TXNRD1: variants seen among roughly 807,000 people sequenced by gnomAD.
TXNRD1 encodes thioredoxin reductase 1.
TXNRD1 carries 57 observed loss-of-function variants against 80.3 expected under a neutral mutation model. That is an observed-to-expected ratio of 0.71 (90% CI 0.57 to 0.89). The LOEUF (loss-of-function observed/expected upper bound fraction) is 0.89, where lower values mean the gene tolerates loss of function less well. Among genes scored for constraint, TXNRD1 ranks in the 40% least tolerant of loss-of-function variants. The pLI is 0.00. For synonymous variants in TXNRD1, 291 were observed against 285.2 expected (o/e 1.02, Z -0.20); for missense variants, 730 against 803.0 (o/e 0.91, Z 1.10).
intron 4 of TXNRD1, among the ~76,000 whole-genome samples, chr12:104,291,938 G>T (rs1372838935): frequency 6.6e-6 from 1 of 152,216 alleles, no homozygotes; most frequent in Non-Finnish European, 1.5e-5. Context: ...TTGGGTTTCA[G>T]TGGAGAAAGG....
At chr12:104,248,292 T>C (rs2033036239) in intron 1 of TXNRD1, among the ~76,000 whole-genome samples, 1 of 152,236 alleles carries the variant, frequency 6.6e-6, no homozygotes, top group Non-Finnish European at 1.5e-5. Flanking sequence ...TATTTACTTA[T>C]TTATTTATTG....
In TXNRD1 at chr12:104,331,659, T is replaced by C. The variant is rs760327306; in HGVS notation, c.1650+18T>C. ...ATATTGAGGTAAGTTCTTTTCCTCTTTTCTCCTATGTTATATCACTACTTT... is the reference window on the plus strand; with the variant it reads ...ATATTGAGGTAAGTTCTTTTCCTCTCTTCTCCTATGTTATATCACTACTTT... On this transcript the variant is annotated intron_variant, in intron 14 of 16. Transcript: ENST00000525566. 2.6e-6 allele frequency: 4 copies of C among 1,521,110 alleles called. No homozygotes were observed. Among genetic ancestry groups the C allele is most frequent in the Non-Finnish European group, 3.6e-6 (4 of 1,100,524 alleles). The allele number at this position is 1,521,110 out of a possible 1,614,324, so 94.2% of individuals were successfully genotyped here.
chr12:104,273,721 G>A (rs1046114968), intron 3 of TXNRD1, among the ~76,000 whole-genome samples: 46 of 152,326 alleles, frequency 3.0e-4, no homozygotes, highest in Admixed American at 2.0e-3. Context: ...GCAGGCCAGC[G>A]CCATCCTGCA....
rs1367447775 is a variant in TXNRD1 at position 104,349,178 on chromosome 12, T to C, written c.*757T>C. On this transcript the variant is annotated 3_prime_UTR_variant, in exon 17 of 17. Coordinates refer to ENST00000525566, the MANE Select transcript of TXNRD1 (RefSeq NM_001093771.3). ...GGTAGTATAGTATGATTCTCACCAT[T>C]ATTTGTCATGGAGGCAGACATACAC... The C allele has an allele frequency of 6.6e-6, 1 of 152,230 alleles. No individual in the cohort carries two copies. The highest frequency in any genetic ancestry group is 1.5e-5 in the Non-Finnish European group (1 of 68,046). The allele number at this position is 152,230 out of a possible 1,614,324, so 9.4% of individuals were successfully genotyped here. A position where few individuals can be genotyped will look rare whatever the true frequency, so the allele number is the denominator to read the frequency against.
In TXNRD1 at chr12:104,325,334, C is replaced by T. The variant is rs1198989192; in HGVS notation, c.1216-3C>T. 6 of 1,609,118 alleles carry T rather than the reference C, an allele frequency of 3.7e-6. No individual in the cohort carries two copies. Among genetic ancestry groups the T allele is most frequent in the Non-Finnish European group, 5.1e-6 (6 of 1,176,442 alleles). On this transcript the variant is annotated splice_polypyrimidine_tract_variant and splice_region_variant and intron_variant, in intron 10 of 16. Transcript: ENST00000525566. The stretch of plus-strand genomic sequence containing the variant: ...TCACAGTAAAACTTTATCACTCTTA[C>T]AGGTTGAACAAATTGAAGCAGGGAC...
intron 1 of TXNRD1, among the ~76,000 whole-genome samples, chr12:104,217,446 G>T (rs2032242684): frequency 6.6e-6 from 1 of 151,924 alleles, no homozygotes; most frequent in Admixed American, 6.6e-5. Flanking sequence ...AAGTAGCTGG[G>T]ATTACAGGCA....
chr12:104,323,922 C>T (rs2035658307), intron 10 of TXNRD1, among the ~76,000 whole-genome samples: 1 of 152,148 alleles, frequency 6.6e-6, no homozygotes, highest in African/African-American at 2.4e-5. Flanking sequence ...ATAGGGTTAC[C>T]AGAGTATCTG....
chr12:104,299,997 G>A (rs1593782408), intron 4 of TXNRD1, among the ~76,000 whole-genome samples: 2 of 152,272 alleles, frequency 1.3e-5, no homozygotes, highest in East Asian at 3.9e-4. Flanking sequence ...AAACCTGACT[G>A]ATTCCTGGCT....
chr12:104,315,169 A>G (rs896732621), intron 6 of TXNRD1, among the ~76,000 whole-genome samples: 12 of 152,202 alleles, frequency 7.9e-5, no homozygotes, highest in Admixed American at 2.6e-4. Context: ...TTGAATTACA[A>G]TGGGGGACTA....
intron 3 of TXNRD1, among the ~76,000 whole-genome samples, chr12:104,277,371 G>T (rs185656218): frequency 9.4e-4 from 140 of 149,198 alleles, no homozygotes; most frequent in African/African-American, 3.4e-3. Flanking sequence ...CTGCACTCCA[G>T]CCTGGGCAAC....
intron 16 of TXNRD1, among the ~76,000 whole-genome samples, chr12:104,347,055 G>A (rs1339394302): frequency 1.3e-5 from 2 of 152,030 alleles, no homozygotes; most frequent in African/African-American, 4.8e-5. Context: ...AGATTGTGCC[G>A]CTGCACTCCA....
chr12:104,312,685 T>C (rs1490511775), intron 5 of TXNRD1, among the ~76,000 whole-genome samples: 1 of 152,228 alleles, frequency 6.6e-6, no homozygotes, highest in Non-Finnish European at 1.5e-5. Context: ...CCTAAAAATA[T>C]ATTTGGAAAT....
At chr12:104,340,306 CA>C (rs1283454708) in intron 16 of TXNRD1, among the ~76,000 whole-genome samples, 1 of 152,102 alleles carries the variant, frequency 6.6e-6, no homozygotes, top group Non-Finnish European at 1.5e-5. Flanking sequence ...CTTTAATGTG[CA>C]ATAGATCTTT....
Position 104,247,829 on chromosome 12 carries a change from T to C in TXNRD1, c.92-3698T>C, listed in dbSNP as rs532102995. On this transcript the variant is annotated intron_variant, in intron 1 of 16. Coordinates refer to ENST00000525566, the MANE Select transcript of TXNRD1 (RefSeq NM_001093771.3). Reference sequence around the variant, plus strand: ...AAGGAATTGTCACCTGCTTTTAGAGTCAGTCATCCCATGAAATCGAAGGAG... The same window carrying C: ...AAGGAATTGTCACCTGCTTTTAGAGCCAGTCATCCCATGAAATCGAAGGAG... Among the ~76,000 whole-genome samples, 56 of 152,272 alleles carry C rather than the reference T, an allele frequency of 3.7e-4. 1 individual carries two copies. The highest frequency in any genetic ancestry group is 1.3e-3 in the African/African-American group (54 of 41,546).
chr12:104,235,703 A>G (rs113355959), intron 1 of TXNRD1, among the ~76,000 whole-genome samples: 2 of 152,190 alleles, frequency 1.3e-5, no homozygotes, highest in African/African-American at 4.8e-5. Flanking sequence ...CTGTTGAGGA[A>G]AGGGTATCTT....
chr12:104,327,320 C>T (rs889488542), intron 12 of TXNRD1, among the ~76,000 whole-genome samples, 195 bp from the exon 13 acceptor site: 1 of 152,102 alleles, frequency 6.6e-6, no homozygotes, highest in African/African-American at 2.4e-5. Context: ...CTTTGATTTT[C>T]AGAACCGTGG....
Position 104,265,658 on chromosome 12 carries a change from A to G in TXNRD1, c.304+7579A>G, listed in dbSNP as rs376909011. The G allele has an allele frequency of 1.3e-4, 202 of 1,606,084 alleles. 1 individual carries two copies. The East Asian group carries it at 2.8e-3, about 22-fold the overall frequency. On this transcript the variant is annotated intron_variant, in intron 3 of 16. Transcript: ENST00000525566. ...TGCTACCGAGACATGGGTGCCCGGC[A>G]CCGCGCCCGAGCCCACTCCATTCAG...
At chr12:104,252,267 T>C (rs1274772020) in intron 2 of TXNRD1, among the ~76,000 whole-genome samples, 1 of 152,060 alleles carries the variant, frequency 6.6e-6, no homozygotes, top group African/African-American at 2.4e-5. Context: ...CTTTCAGATA[T>C]GTCTGTAGGG....
chr12:104,308,379 T>C (rs527304549), intron 4 of TXNRD1, among the ~76,000 whole-genome samples: 3 of 152,244 alleles, frequency 2.0e-5, no homozygotes, highest in South Asian at 4.1e-4. Flanking sequence ...ACAGATTGAA[T>C]GGAGAAACAG....
Sources: gnomAD v4.1 joint callset for allele counts (sites outside exome capture counted in the v4.1 genomes callset) on GRCh38, gnomAD v4.1.1 for gene constraint, MANE v1.5 for transcripts, NCBI Gene and HGNC (gene_info 2026-07-23, HGNC 2026-07-21) for gene names.